Variants in NEDD4 observed in about 807,000 individuals in gnomAD.
NEDD4 encodes the protein NEDD4 E3 ubiquitin protein ligase, also known as E3 ubiquitin-protein ligase NEDD4.
In NEDD4, 99 loss-of-function variants were observed where a neutral mutation model predicts 144.9. The ratio of observed to expected loss-of-function variants is 0.68; its 90% CI spans 0.58 to 0.81. The LOEUF is 0.81. NEDD4 is among the 30% of genes least tolerant of loss of function. The probability of loss-of-function intolerance (pLI) is 0.00; values close to 1 mark genes in which losing one functional copy is unlikely to be tolerated. For missense variants in NEDD4, 985 were observed against 1,065.9 expected, an observed-to-expected ratio of 0.92 and a Z score of 1.06; for synonymous variants, 318 against 350.6, an observed-to-expected ratio of 0.91 and a Z score of 1.04.
At chr15:55,895,973 C>T (rs10518825) in intron 5 of NEDD4, among the ~76,000 whole-genome samples, 13,940 of 152,166 alleles carry the variant, frequency 0.092, 780 homozygotes, top group Admixed American at 0.14. Context: ...AGGTTTTATA[C>T]GAGGCATCTT....
chr15:55,949,134 G>A (rs2037181691), intron 4 of NEDD4, among the ~76,000 whole-genome samples: 1 of 152,086 alleles, frequency 6.6e-6, no homozygotes, highest in Non-Finnish European at 1.5e-5. Flanking sequence ...TCAAGAAGCG[G>A]GCGAAGGATA....
chr15:55,837,744 T>TTA, intron 24 of NEDD4, 45 bp downstream of exon 24: 1 of 1,439,426 alleles, frequency 6.9e-7, no homozygotes. Context: ...AACTTATAGG[T>TTA]TATACTGTGA....
At chr15:55,942,029 T>C (rs775470675) in intron 4 of NEDD4, among the ~76,000 whole-genome samples, 3 of 151,854 alleles carry the variant, frequency 2.0e-5, no homozygotes, top group East Asian at 3.9e-4. Flanking sequence ...TTAACATGAT[T>C]GGTAGTGTTG....
At chr15:55,896,865 TTATC>T (rs1283176080) in intron 5 of NEDD4, among the ~76,000 whole-genome samples, 1 of 152,086 alleles carries the variant, frequency 6.6e-6, no homozygotes, top group Non-Finnish European at 1.5e-5. Context: ...TTAACATAAT[TTATC>T]TATTTAAGAC....
intron 4 of NEDD4, among the ~76,000 whole-genome samples, chr15:55,925,219 C>T (rs1481703899): frequency 6.6e-6 from 1 of 152,164 alleles, no homozygotes; most frequent in Admixed American, 6.5e-5. Context: ...CAAAGTGAAT[C>T]TGGTTGTTTA....
At position 55,834,239 on chromosome 15, in the gene NEDD4, T is replaced by C. The variant is rs755681412; in HGVS notation, c.2310A>G (p.Glu770=). The change falls in exon 25 of 29, where the codon GAA becomes GAG. Residue 770 remains glutamate (E), a synonymous_variant. Transcript: ENST00000435532. ...IPQDLIKIFD[E]NELELLMCGL... ...TGTTATGTCTTACCTCTAGTTCATT[T>C]TCATCAAAAATTTTGATGAGATCCT... The C allele has an allele frequency of 6.2e-7, 1 of 1,610,496 alleles. No individual in the cohort carries two copies. Among genetic ancestry groups the C allele is most frequent in the Non-Finnish European group, 8.5e-7 (1 of 1,176,872 alleles).
At chr15:55,948,491 G>C (rs921615766) in intron 4 of NEDD4, among the ~76,000 whole-genome samples, 1 of 152,154 alleles carries the variant, frequency 6.6e-6, no homozygotes, top group Non-Finnish European at 1.5e-5. Context: ...AGCCCACATA[G>C]CCAAGACAAT....
intron 7 of NEDD4, among the ~76,000 whole-genome samples, chr15:55,871,084 T>G (rs1248900323): frequency 2.0e-5 from 3 of 152,202 alleles, no homozygotes; most frequent in African/African-American, 7.2e-5. Context: ...TCTCATGGAT[T>G]TGGCAAATTT....
At chr15:55,965,804 C>T (rs1313808518) in intron 2 of NEDD4, among the ~76,000 whole-genome samples, 2 of 151,980 alleles carry the variant, frequency 1.3e-5, no homozygotes, top group Non-Finnish European at 2.9e-5. Context: ...TGGGTTCAAG[C>T]GATTTCTGGA....
At chr15:55,888,942 A>T (rs1343811568) in intron 5 of NEDD4, among the ~76,000 whole-genome samples, 2 of 152,226 alleles carry the variant, frequency 1.3e-5, no homozygotes, top group African/African-American at 4.8e-5. Flanking sequence ...CTTATACAAA[A>T]ATCAAATAAA....
chr15:55,877,627 A>G (rs1292774995), intron 5 of NEDD4, among the ~76,000 whole-genome samples: 10 of 152,168 alleles, frequency 6.6e-5, no homozygotes, highest in Non-Finnish European at 1.5e-4. Flanking sequence ...GCATCCATTG[A>G]TGATTCTTGC....
At chr15:55,879,642 A>T (rs1277203778) in intron 5 of NEDD4, among the ~76,000 whole-genome samples, 1 of 152,220 alleles carries the variant, frequency 6.6e-6, no homozygotes, top group Non-Finnish European at 1.5e-5. Context: ...TGCAAGAAAA[A>T]TACCTCAGAA....
intron 18 of NEDD4, 21 bp from the exon 19 acceptor site, chr15:55,842,184 C>T (rs369748295): frequency 2.3e-5 from 37 of 1,592,434 alleles, no homozygotes; most frequent in East Asian, 2.0e-4. Flanking sequence ...AGAGGAGAGA[C>T]GTACTGTTTA....
In NEDD4 at chr15:55,830,551, A is replaced by G. The variant is rs2032900397; in HGVS notation, c.2563T>C (p.Trp855Arg). 1 of 1,614,114 alleles carries G rather than the reference A, an allele frequency of 6.2e-7. No individual in the cohort carries two copies. The highest frequency in any genetic ancestry group is 8.5e-7 in the Non-Finnish European group (1 of 1,179,962). ...CTTGGCAGCTTTTCAGGAGTACCCCACTGTTCAACTGTAAATGACTGTGGT... is the reference window on the plus strand; with the variant it reads ...CTTGGCAGCTTTTCAGGAGTACCCCGCTGTTCAACTGTAAATGACTGTGGT... Reference protein sequence around the residue: ...NGPQSFTVEQWGTPEKLPRAH... With the variant: ...NGPQSFTVEQRGTPEKLPRAH... The change falls in exon 28 of 29, where the codon TGG becomes CGG. Residue 855 changes from tryptophan (W) to arginine (R), a missense_variant. By Grantham distance (101) the Trp-to-Arg change is moderately radical. Transcript: ENST00000435532.
chr15:55,977,329 G>C (rs746961160), intron 1 of NEDD4, among the ~76,000 whole-genome samples: 4 of 152,152 alleles, frequency 2.6e-5, no homozygotes, highest in Non-Finnish European at 4.4e-5. Context: ...ATGCTGTAAA[G>C]GTTTGTAGAC....
rs1216279287 is a variant in NEDD4, at chr15:55,883,682, CACACACACACACAA to C, written c.292-9688_292-9675del. The stretch of plus-strand genomic sequence containing the variant: ...TCCCCTAGTTCCAGGCATCTCAACA[CACACACACACACAA>C]ACACACACACACACACACACACACA... On this transcript the variant is annotated intron_variant, in intron 5 of 28. Coordinates refer to ENST00000435532, the MANE Select transcript of NEDD4 (RefSeq NM_006154.4). Among the ~76,000 whole-genome samples the C allele has an allele frequency of 3.0e-5, 3 of 100,680 alleles. No homozygotes were observed. The Admixed American group carries it at 3.6e-4, about 12-fold the overall frequency. The allele number at this position is 100,680 out of a possible 152,430, so 66.0% of individuals were successfully genotyped here. A position where few individuals can be genotyped will look rare whatever the true frequency, so the allele number is the denominator to read the frequency against.
Position 55,907,728 on chromosome 15 carries a change from T to C in NEDD4, c.291+16918A>G, listed in dbSNP as rs558956311. On this transcript the variant is annotated intron_variant, in intron 5 of 28. Coordinates refer to ENST00000435532, the MANE Select transcript of NEDD4 (RefSeq NM_006154.4). Reference sequence around the variant, plus strand: ...CAGGAACTAGTCTGAGAATCCCAGCTCTTACAATAAAGTCTAGAGGGAAGT... The same window carrying C: ...CAGGAACTAGTCTGAGAATCCCAGCCCTTACAATAAAGTCTAGAGGGAAGT... Among the ~76,000 whole-genome samples, 15 of 152,326 alleles carry C rather than the reference T, an allele frequency of 9.8e-5. No individual in the cohort carries two copies. In the South Asian group the frequency reaches 2.7e-3, roughly 27 times the overall value.
chr15:55,927,333 TAG>T (rs374099573), intron 4 of NEDD4, among the ~76,000 whole-genome samples: 266 of 151,926 alleles, frequency 1.8e-3, no homozygotes, highest in African/African-American at 6.1e-3. Context: ...TTTTTTGAGA[TAG>T]AGTCTCACTC....
chr15:55,920,027 T>G (rs2036540799), intron 5 of NEDD4, among the ~76,000 whole-genome samples: 1 of 152,170 alleles, frequency 6.6e-6, no homozygotes, highest in Non-Finnish European at 1.5e-5. Flanking sequence ...TGTGTGGGTC[T>G]CATCCAATCA....
Sources: allele counts gnomAD v4.1 joint callset (sites outside exome capture counted in the v4.1 genomes callset), GRCh38; gene constraint gnomAD v4.1.1; transcripts MANE v1.5; gene names NCBI Gene and HGNC (gene_info 2026-07-23, HGNC 2026-07-21).